The following TRAPPC9 variants were observed in gnomAD, a reference collection of about 807,000 sequenced individuals.
TRAPPC9 encodes trafficking protein particle complex subunit 9, also known as IKK2 binding protein.
A neutral mutation model predicts 124.0 loss-of-function variants in TRAPPC9; 83 were observed. That is an observed-to-expected ratio of 0.67 (90% CI 0.56 to 0.80). The LOEUF is 0.80. Ranked by LOEUF, TRAPPC9 falls within the 30% of genes least tolerant of loss-of-function variation. The pLI is 0.00. For missense variants in TRAPPC9, 1,302 were observed against 1,508.3 expected (o/e 0.86, Z 2.27); for synonymous variants, 638 against 617.5 (o/e 1.03, Z -0.49).
intron 5 of TRAPPC9, among the ~76,000 whole-genome samples, chr8:140,419,448 A>AAAAAAAAAAAAAAAAAAAAAAAC (rs1554683879): frequency 1.1e-5 from 1 of 94,774 alleles, no homozygotes; most frequent in Non-Finnish European, 2.0e-5. Context: ...AAAAAAAAAA[A>AAAAAAAAAAAAAAAAAAAAAAAC]AAAACAAAAC....
chr8:139,841,214 G>C (rs946191641), intron 21 of TRAPPC9, among the ~76,000 whole-genome samples: 1 of 152,094 alleles, frequency 6.6e-6, no homozygotes, highest in African/African-American at 2.4e-5. Context: ...CTCCTCTTCT[G>C]CCTCCCTCTT....
chr8:139,943,379 T>C (rs1834027652), intron 19 of TRAPPC9, among the ~76,000 whole-genome samples: 1 of 152,344 alleles, frequency 6.6e-6, no homozygotes, highest in East Asian at 1.9e-4. Flanking sequence ...GGTGGAGTTT[T>C]CAATTACAGT....
chr8:139,796,754 G>A (rs751444080), intron 21 of TRAPPC9, among the ~76,000 whole-genome samples: 2 of 152,038 alleles, frequency 1.3e-5, no homozygotes, highest in African/African-American at 4.8e-5. Context: ...TATTCTCCTG[G>A]GTATATATCC....
At position 140,133,271 on chromosome 8, in the gene TRAPPC9, A is replaced by T. The variant is rs573152614; in HGVS notation, c.2556+88188T>A. ...ATAGTTCAACATTTTTTAAAAATCA[A>T]TGTGATGTACCATATTAATATAATG... On this transcript the variant is annotated intron_variant, in intron 17 of 22. Coordinates refer to ENST00000438773, the MANE Select transcript of TRAPPC9 (RefSeq NM_001160372.4). Among the ~76,000 whole-genome samples the T allele has an allele frequency of 1.9e-3, 282 of 152,358 alleles. 1 individual carries two copies. The highest frequency in any genetic ancestry group is 6.4e-3 in the African/African-American group (267 of 41,566).
rs914690858 is a variant in TRAPPC9 at position 139,807,623 on chromosome 8, G to A, written c.3056-75421C>T. Among the ~76,000 whole-genome samples, 3 of 152,154 alleles carry A rather than the reference G, an allele frequency of 2.0e-5. 1 individual carries two copies. Among genetic ancestry groups the A allele is most frequent in the Admixed American group, 1.3e-4 (2 of 15,274 alleles). Reference sequence around the variant, plus strand: ...GGAGGCACTGCGGACGAAAGTGTGCGGAGATTGAAGCGGGTCCTCCACAAA... The same window carrying A: ...GGAGGCACTGCGGACGAAAGTGTGCAGAGATTGAAGCGGGTCCTCCACAAA... On this transcript the variant is annotated intron_variant, in intron 21 of 22. Transcript: ENST00000438773.
chr8:140,252,880 G>A lies in TRAPPC9; in HGVS notation c.2328C>T (p.Ala776=), dbSNP rs1007318356. 2 of 1,614,110 alleles carry A rather than the reference G, an allele frequency of 1.2e-6. No homozygotes were observed. Among genetic ancestry groups the A allele is most frequent in the South Asian group, 2.2e-5 (2 of 91,078 alleles). The change falls in exon 16 of 23, where the codon GCC becomes GCT. Residue 776 remains alanine, a synonymous_variant. Coordinates refer to ENST00000438773, the MANE Select transcript of TRAPPC9 (RefSeq NM_001160372.4). This position sits in a 1 kb window ranked among gnomAD's most constrained non-coding sequence, Gnocchi z 4.2. ...CCTTCCCAGGCTGCAAAGGGAACTG[G>A]GCAAGGGTTTCCTCTAGCTTCCAGC... ...FLSWKLEETL[A]QFPLQPGKVA...
rs111765627 is a variant in TRAPPC9 at position 140,371,595 on chromosome 8, T to C, written c.1135-415A>G. Among the ~76,000 whole-genome samples the C allele has an allele frequency of 4.6e-3, 700 of 151,762 alleles. 8 individuals are homozygous for C. Among genetic ancestry groups the C allele is most frequent in the African/African-American group, 0.016 (660 of 41,218 alleles). ...TAACTGGGTAATGAATTATTAACAA[T>C]ACCACTGATATCAGACTTAAGACTT... On this transcript the variant is annotated intron_variant, in intron 7 of 22. Coordinates refer to ENST00000438773, the MANE Select transcript of TRAPPC9 (RefSeq NM_001160372.4).
chr8:140,221,658 G>C, intron 16 of TRAPPC9, 75 bp from the exon 17 acceptor site: 2 of 1,534,486 alleles, frequency 1.3e-6, no homozygotes, highest in Non-Finnish European at 1.8e-6. Flanking sequence ...TTGTTGTTTG[G>C]GACGGGTCTC....
At chr8:140,090,682 C>CCA (rs1844509718) in intron 17 of TRAPPC9, among the ~76,000 whole-genome samples, 1 of 152,242 alleles carries the variant, frequency 6.6e-6, no homozygotes, top group Non-Finnish European at 1.5e-5. Flanking sequence ...CCAAGTGTAC[C>CCA]CATCCCTGCT....
intron 19 of TRAPPC9, among the ~76,000 whole-genome samples, chr8:139,987,918 G>A (rs1451169956): frequency 1.3e-5 from 2 of 152,154 alleles, no homozygotes; most frequent in Non-Finnish European, 2.9e-5. Context: ...CGGGCCAGGG[G>A]TCTCCTGAGG....
chr8:140,046,441 T>C (rs1386483165), intron 17 of TRAPPC9, among the ~76,000 whole-genome samples: 1 of 152,220 alleles, frequency 6.6e-6, no homozygotes, highest in African/African-American at 2.4e-5. Context: ...AGCCGCCGAC[T>C]CCCTCCCTTT....
intron 16 of TRAPPC9, among the ~76,000 whole-genome samples, chr8:140,251,360 G>A (rs529397737): frequency 1.4e-4 from 21 of 152,276 alleles, no homozygotes; most frequent in East Asian, 7.7e-4. Flanking sequence ...GGATAAAGCC[G>A]TTTACACACC....
chr8:140,280,079 G>A (rs555540185), intron 14 of TRAPPC9, among the ~76,000 whole-genome samples: 38 of 152,296 alleles, frequency 2.5e-4, no homozygotes, highest in Admixed American at 1.1e-3. Flanking sequence ...ACAGGCCTGT[G>A]AGCGCGTGCC....
At chr8:140,222,818 ACTT>A (rs2063365506) in intron 16 of TRAPPC9, among the ~76,000 whole-genome samples, 1 of 152,230 alleles carries the variant, frequency 6.6e-6, no homozygotes, top group Non-Finnish European at 1.5e-5. Context: ...AGTATCACAG[ACTT>A]CCAGTGTAAA....
intron 17 of TRAPPC9, among the ~76,000 whole-genome samples, chr8:140,153,575 C>T (rs750424752): frequency 2.0e-5 from 3 of 152,064 alleles, no homozygotes; most frequent in Admixed American, 1.3e-4. Flanking sequence ...AAGGCATTGT[C>T]TCTGCCTTAT....
intron 19 of TRAPPC9, among the ~76,000 whole-genome samples, chr8:139,977,757 T>C (rs940187572): frequency 4.0e-4 from 60 of 151,890 alleles, no homozygotes; most frequent in African/African-American, 1.4e-3. Flanking sequence ...CTCAGCTCAC[T>C]GTAGCCTCCG....
intron 16 of TRAPPC9, among the ~76,000 whole-genome samples, chr8:140,239,204 C>G (rs1209479582): frequency 6.6e-6 from 1 of 152,162 alleles, no homozygotes; most frequent in African/African-American, 2.4e-5. Flanking sequence ...CCCAGACGCA[C>G]CACCCTCAGC....
At chr8:139,804,236 CCCACCA>C (rs1208609500) in intron 21 of TRAPPC9, among the ~76,000 whole-genome samples, 2 of 138,308 alleles carry the variant, frequency 1.4e-5, no homozygotes, top group African/African-American at 2.6e-5. Context: ...ATCACCACCA[CCCACCA>C]CCACCACCAA....
chr8:139,779,496 A>G (rs1821631950), intron 21 of TRAPPC9, among the ~76,000 whole-genome samples: 1 of 152,208 alleles, frequency 6.6e-6, no homozygotes. Flanking sequence ...TACAATAATA[A>G]TAAAGTCCTG....
Sources: gnomAD v4.1 joint callset for allele counts (sites outside exome capture counted in the v4.1 genomes callset) on GRCh38, gnomAD v4.1.1 for gene constraint, Gnocchi (gnomAD v3.1) non-coding constraint, MANE v1.5 for transcripts, NCBI Gene and HGNC (gene_info 2026-07-23, HGNC 2026-07-21) for gene names.